The following ADAMTS18 variants were observed in gnomAD, a reference collection of about 807,000 sequenced individuals.
The protein encoded by ADAMTS18 is ADAM metallopeptidase with thrombospondin type 1 motif 18.
A neutral mutation model predicts 165.9 loss-of-function variants in ADAMTS18; 157 were observed. The observed-to-expected ratio is 0.95, with a 90% CI of 0.83 to 1.08. The LOEUF (loss-of-function observed/expected upper bound fraction) is 1.08, where lower values mean the gene tolerates loss of function less well. ADAMTS18 is among the 50% of genes least tolerant of loss of function. The pLI, the probability that ADAMTS18 is intolerant of heterozygous loss-of-function variation, is 0.00. For missense variants in ADAMTS18, 2,040 were observed against 1,534.0 expected (o/e 1.33, Z -5.51); for synonymous variants, 782 against 578.2 (o/e 1.35, Z -5.06).
At position 77,428,630 on chromosome 16, in the gene ADAMTS18, G is replaced by A. The variant is rs144805414; in HGVS notation, c.495+2665C>T. Reference sequence around the variant, plus strand: ...AAGCTGCTTGTCAGTACTCATTAAAGCTGAACATATACAAGTTGAGTACCC... The same window carrying A: ...AAGCTGCTTGTCAGTACTCATTAAAACTGAACATATACAAGTTGAGTACCC... On this transcript the variant is annotated intron_variant, in intron 3 of 22. Transcript: ENST00000282849. 4.6e-5 allele frequency among the ~76,000 whole-genome samples: 7 copies of A among 152,256 alleles called. No homozygotes were observed. In the East Asian group the frequency reaches 1.4e-3, roughly 29 times the overall value.
intron 15 of ADAMTS18, among the ~76,000 whole-genome samples, chr16:77,320,782 C>T (rs971680155): frequency 1.3e-5 from 2 of 152,168 alleles, no homozygotes; most frequent in African/African-American, 4.8e-5. Flanking sequence ...GAGTAGAGAT[C>T]ACATAAGTTT....
intron 8 of ADAMTS18, 138 bp downstream of exon 8, chr16:77,359,180 T>C: frequency 1.3e-6 from 1 of 798,462 alleles, no homozygotes; most frequent in Non-Finnish European, 2.1e-6. Flanking sequence ...GAGCCCTTTG[T>C]ATAGTCAGAA....
Position 77,283,476 on chromosome 16 carries a change from G to C in ADAMTS18, c.*480C>G. 1 of 173,184 alleles carries C rather than the reference G, an allele frequency of 5.8e-6. No individual in the cohort carries two copies. Among genetic ancestry groups the C allele is most frequent in the Non-Finnish European group, 1.2e-5 (1 of 80,752 alleles). 10.7% of individuals were successfully genotyped at this position (173,184 alleles called of 1,614,324 possible). A position where few individuals can be genotyped will look rare whatever the true frequency, so the allele number is the denominator to read the frequency against. On this transcript the variant is annotated 3_prime_UTR_variant, in exon 23 of 23. Coordinates refer to ENST00000282849, the MANE Select transcript of ADAMTS18 (RefSeq NM_199355.4). ...CCATTTGGCTTCTCATAGAACTCCTGGCTTGGGTGTTCACAGGGTTAGTCG... is the reference window on the plus strand; with the variant it reads ...CCATTTGGCTTCTCATAGAACTCCTCGCTTGGGTGTTCACAGGGTTAGTCG...
chr16:77,357,387 A>T (rs189727637), intron 8 of ADAMTS18, among the ~76,000 whole-genome samples: 1 of 152,280 alleles, frequency 6.6e-6, no homozygotes, highest in East Asian at 1.9e-4. Flanking sequence ...GACTAACGTC[A>T]ATGTATACTC....
chr16:77,375,021 T>C (rs558499164), intron 3 of ADAMTS18, among the ~76,000 whole-genome samples: 26 of 152,246 alleles, frequency 1.7e-4, no homozygotes, highest in Admixed American at 3.9e-4. Context: ...AACCATCTGT[T>C]TATTTGTGGA....
intron 3 of ADAMTS18, among the ~76,000 whole-genome samples, chr16:77,427,555 G>C (rs1367135714): frequency 6.6e-6 from 1 of 152,160 alleles, no homozygotes; most frequent in Non-Finnish European, 1.5e-5. Context: ...CTGGGACAAA[G>C]GCTGCAAATC....
intron 11 of ADAMTS18, among the ~76,000 whole-genome samples, chr16:77,336,950 G>A (rs1167692006): frequency 5.3e-5 from 8 of 152,124 alleles, no homozygotes; most frequent in Non-Finnish European, 7.4e-5. Context: ...TTGGGGGATC[G>A]GTTACAGAAT....
In ADAMTS18 at chr16:77,362,248, T is replaced by A; in HGVS notation, c.1073A>T (p.Asn358Ile). The A allele has an allele frequency of 6.2e-7, 1 of 1,614,164 alleles. No individual in the cohort carries two copies. ...LEQEPGGLLI[N>I]HHADQSLNSF... is the part of the protein sequence containing the mutation. ...ATTCAGAGACTGGTCTGCATGATGG[T>A]TGATCAATAATCCTCCCTATGGGAA... Residue 358 changes from asparagine to isoleucine, a missense_variant, in exon 7 of 23, where the codon AAC becomes ATC. By Grantham distance (149) the Asn-to-Ile change is moderately radical (BLOSUM62 -3). Coordinates refer to ENST00000282849, the MANE Select transcript of ADAMTS18 (RefSeq NM_199355.4).
chr16:77,370,097 A>G (rs55792912), intron 3 of ADAMTS18, among the ~76,000 whole-genome samples: 39,676 of 152,118 alleles, frequency 0.26, 5,857 homozygotes, highest in East Asian at 0.57. Flanking sequence ...AATAAAGGCC[A>G]TATATGACAA....
At chr16:77,376,239 G>A (rs868135150) in intron 3 of ADAMTS18, among the ~76,000 whole-genome samples, 6 of 152,156 alleles carry the variant, frequency 3.9e-5, no homozygotes, top group South Asian at 2.1e-4. Flanking sequence ...AGAAGGAAGA[G>A]AGAGTGAAGG....
chr16:77,370,068 A>G (rs1386203781), intron 3 of ADAMTS18, among the ~76,000 whole-genome samples: 1 of 152,234 alleles, frequency 6.6e-6, no homozygotes, highest in African/African-American at 2.4e-5. Context: ...TTAGGTATAG[A>G]AAAAGTGCAT....
chr16:77,329,451 T>C (rs1054618003), intron 12 of ADAMTS18, among the ~76,000 whole-genome samples: 6 of 152,190 alleles, frequency 3.9e-5, no homozygotes, highest in African/African-American at 1.4e-4. Context: ...AGCTTAAATT[T>C]AGGTGATCTT....
chr16:77,340,301 A>G (rs1307934365), intron 11 of ADAMTS18, among the ~76,000 whole-genome samples: 6 of 152,234 alleles, frequency 3.9e-5, no homozygotes, highest in South Asian at 2.1e-4. Flanking sequence ...CAGCCTCCCA[A>G]GTAGCTGGGA....
intron 3 of ADAMTS18, among the ~76,000 whole-genome samples, chr16:77,414,384 G>A (rs995941995): frequency 1.3e-5 from 2 of 152,124 alleles, no homozygotes; most frequent in African/African-American, 4.8e-5. Flanking sequence ...AGTATAAAAT[G>A]CACACTGGAC....
chr16:77,307,273 CAT>C (rs2055698491), intron 16 of ADAMTS18, among the ~76,000 whole-genome samples: 1 of 152,142 alleles, frequency 6.6e-6, no homozygotes, highest in Admixed American at 6.5e-5. Flanking sequence ...TTTGTAAGCT[CAT>C]GTGATTTTTG....
intron 3 of ADAMTS18, among the ~76,000 whole-genome samples, chr16:77,393,332 T>C (rs1311822406): frequency 2.6e-5 from 4 of 152,164 alleles, no homozygotes; most frequent in African/African-American, 9.7e-5. Context: ...ATTCATCCAA[T>C]AGGGAAGCAG....
At chr16:77,431,755 G>A in intron 2 of ADAMTS18, 144 bp from the exon 3 acceptor site, 3 of 851,292 alleles carry the variant, frequency 3.5e-6, no homozygotes, top group Middle Eastern at 3.4e-4. Flanking sequence ...ATAATTCAGA[G>A]CAGCACAGGC....
In ADAMTS18 at chr16:77,337,722, C is replaced by T. The variant is rs546410561; in HGVS notation, c.1711-1818G>A. Among the ~76,000 whole-genome samples the T allele has an allele frequency of 1.4e-4, 21 of 152,156 alleles. No individual in the cohort carries two copies. The South Asian group carries it at 4.3e-3, about 31-fold the overall frequency. ...ATGTTCTATTACTTCAGTATTTGTT[C>T]TAGTATTACGTTAGGCTGCTATCAC... On this transcript the variant is annotated intron_variant, in intron 11 of 22. Transcript: ENST00000282849.
In ADAMTS18 at chr16:77,283,843, C is replaced by A. The variant is rs549233969; in HGVS notation, c.*113G>T. 9.9e-6 allele frequency: 8 copies of A among 810,762 alleles called. No individual in the cohort carries two copies. In the South Asian group the frequency reaches 1.1e-4, roughly 11 times the overall value. 50.2% of individuals were successfully genotyped at this position (810,762 alleles called of 1,614,324 possible). ...CTCAGAGCAGGCTCCTTCATCACAG[C>A]GGCAGCTCACAGATGGTTCTCGGTG... is the stretch of plus-strand genomic sequence containing the variant. On this transcript the variant is annotated 3_prime_UTR_variant, in exon 23 of 23. Coordinates refer to ENST00000282849, the MANE Select transcript of ADAMTS18 (RefSeq NM_199355.4).
Sources: allele counts gnomAD v4.1 joint callset (sites outside exome capture counted in the v4.1 genomes callset), GRCh38; gene constraint gnomAD v4.1.1; transcripts MANE v1.5; gene names NCBI Gene and HGNC (gene_info 2026-07-23, HGNC 2026-07-21).